The following SEMA5A variants were observed in gnomAD, a reference collection of about 807,000 sequenced individuals.
SEMA5A encodes the protein semaphorin 5A, also known as semaphorin-5A.
Under a neutral mutation model 135.5 loss-of-function variants are expected in SEMA5A, and 55 were observed. The ratio of observed to expected loss-of-function variants is 0.41; its 90% confidence interval spans 0.33 to 0.51. The LOEUF (loss-of-function observed/expected upper bound fraction) is 0.51. SEMA5A is among the 20% of genes least tolerant of loss of function. The pLI is 0.37. For missense variants in SEMA5A, 1,290 were observed against 1,419.9 expected (o/e 0.91, Z 1.47); for synonymous variants, 580 against 546.5 (o/e 1.06, Z -0.85).
intron 5 of SEMA5A, among the ~76,000 whole-genome samples, chr5:9,240,020 T>G (rs943158518): frequency 4.6e-5 from 7 of 152,040 alleles, no homozygotes; most frequent in Admixed American, 3.3e-4. Flanking sequence ...CTTTGCATTT[T>G]CAAGATAAAT....
At position 9,353,241 on chromosome 5, in the gene SEMA5A, A is replaced by AAAGG. The variant is rs1561177451; in HGVS notation, c.125-15433_125-15430dup. Reference sequence around the variant, plus strand: ...GAAAGGAAAGGAAAGGAAAGGAAGGAAAGGGAAGGGAAGGGAAGGGAAGCA... The same window carrying AAAGG: ...GAAAGGAAAGGAAAGGAAAGGAAGGAAAGGAAGGGAAGGGAAGGGAAGGGAAGCA... On this transcript the variant is annotated intron_variant, in intron 3 of 22. Transcript: ENST00000382496. Among the ~76,000 whole-genome samples the AAAGG allele has an allele frequency of 1.6e-3, 153 of 95,182 alleles. 1 individual carries two copies. Among genetic ancestry groups the AAAGG allele is most frequent in the Non-Finnish European group, 2.0e-3 (95 of 47,050 alleles). The allele number at this position is 95,182 out of a possible 152,430, so 62.4% of individuals were successfully genotyped here. A position where few individuals can be genotyped will look rare whatever the true frequency, so the allele number is the denominator to read the frequency against.
chr5:9,387,219 G>C (rs1755933768), intron 2 of SEMA5A, among the ~76,000 whole-genome samples: 1 of 152,190 alleles, frequency 6.6e-6, no homozygotes, highest in Non-Finnish European at 1.5e-5. Flanking sequence ...CAGACCAGGA[G>C]CATAGCCTTG....
At chr5:9,500,238 A>T (rs1336666087) in intron 1 of SEMA5A, among the ~76,000 whole-genome samples, 1 of 152,228 alleles carries the variant, frequency 6.6e-6, no homozygotes, top group African/African-American at 2.4e-5. Flanking sequence ...ATTATAATGC[A>T]TTATTAAATG....
Position 9,190,379 on chromosome 5 carries a change from C to T in SEMA5A, c.1161G>A (p.Gln387=). 1 of 1,614,014 alleles carries T rather than the reference C, an allele frequency of 6.2e-7. No individual in the cohort carries two copies. The highest frequency in any genetic ancestry group is 8.5e-7 in the Non-Finnish European group (1 of 1,180,006). The change falls in exon 11 of 23, where the codon CAG becomes CAA. Residue 387 remains glutamine, a synonymous_variant. Transcript: ENST00000382496. ...QKFILMHEVV[Q]PVTTVPSFME... ...TGAAGGAGGGCACTGTGGTCACTGGCTGTACCACCTCATGCATCAGAATGA... is the reference window on the plus strand; with the variant it reads ...TGAAGGAGGGCACTGTGGTCACTGGTTGTACCACCTCATGCATCAGAATGA...
intron 1 of SEMA5A, among the ~76,000 whole-genome samples, chr5:9,466,894 TC>T (rs1375100858): frequency 6.6e-6 from 1 of 152,204 alleles, no homozygotes; most frequent in Admixed American, 6.5e-5. Flanking sequence ...CTCAGATTTA[TC>T]ACAAGAGTGG....
intron 3 of SEMA5A, among the ~76,000 whole-genome samples, chr5:9,362,831 TCAACTA>T (rs1282348546): frequency 6.6e-6 from 1 of 152,174 alleles, no homozygotes; most frequent in East Asian, 1.9e-4. Flanking sequence ...TCTTTAGTCT[TCAACTA>T]CAAGTTTCAT....
At chr5:9,541,979 G>C (rs1480948400) in intron 1 of SEMA5A, among the ~76,000 whole-genome samples, 1 of 152,008 alleles carries the variant, frequency 6.6e-6, no homozygotes. Context: ...GTTCTATTTT[G>C]CTTCAATTTT....
At chr5:9,111,350 C>T (rs1475093214) in intron 15 of SEMA5A, among the ~76,000 whole-genome samples, 1 of 152,044 alleles carries the variant, frequency 6.6e-6, no homozygotes, top group Non-Finnish European at 1.5e-5. Context: ...TTATAAAACC[C>T]CTGACTTTTA....
chr5:9,544,971 G>A (rs1448276280), intron 1 of SEMA5A, among the ~76,000 whole-genome samples: 2 of 152,240 alleles, frequency 1.3e-5, no homozygotes, highest in African/African-American at 4.8e-5. Flanking sequence ...GATGCCTGGT[G>A]AAAGGGGCTC....
chr5:9,038,485 G>C lies in SEMA5A; in HGVS notation c.*4412C>G, dbSNP rs543659965. ...CTGATGGTTCAGGGACAAAGTTGAA[G>C]AAGTATCTTGACAGTATTGGGGAAA... On this transcript the variant is annotated 3_prime_UTR_variant, in exon 23 of 23. Coordinates refer to ENST00000382496, the MANE Select transcript of SEMA5A (RefSeq NM_003966.3). 6.6e-6 allele frequency: 1 copy of C among 152,166 alleles called. No homozygotes were observed. The highest frequency in any genetic ancestry group is 2.4e-5 in the African/African-American group (1 of 41,438). The allele number at this position is 152,166 out of a possible 1,614,324, so 9.4% of individuals were successfully genotyped here.
intron 16 of SEMA5A, among the ~76,000 whole-genome samples, chr5:9,102,273 A>G (rs1484081313): frequency 6.6e-6 from 1 of 152,248 alleles, no homozygotes. Context: ...ATAAAAGTAC[A>G]CACCATTGCA....
intron 3 of SEMA5A, among the ~76,000 whole-genome samples, chr5:9,373,744 C>G (rs574607421): frequency 4.6e-5 from 7 of 152,162 alleles, no homozygotes; most frequent in Non-Finnish European, 1.0e-4. Context: ...AGAAAGGCCT[C>G]CAAATCAGTC....
intron 21 of SEMA5A, among the ~76,000 whole-genome samples, chr5:9,048,107 C>T (rs1435845071): frequency 6.6e-6 from 1 of 151,184 alleles, no homozygotes; most frequent in African/African-American, 2.4e-5. Flanking sequence ...CCACTCTTGA[C>T]CTACACTGTC....
At chr5:9,254,649 T>G (rs541157725) in intron 5 of SEMA5A, among the ~76,000 whole-genome samples, 1 of 152,182 alleles carries the variant, frequency 6.6e-6, no homozygotes, top group South Asian at 2.1e-4. Context: ...TTTAAGAGTT[T>G]TAAGCAGTAA....
intron 12 of SEMA5A, among the ~76,000 whole-genome samples, chr5:9,150,612 C>T (rs1579486512): frequency 6.6e-6 from 1 of 152,058 alleles, no homozygotes; most frequent in Admixed American, 6.6e-5. Flanking sequence ...TCAGTCACAA[C>T]ACACGTGTGG....
intron 16 of SEMA5A, among the ~76,000 whole-genome samples, chr5:9,078,120 ACTCT>A (rs1738169526): frequency 1.3e-5 from 2 of 152,042 alleles, no homozygotes; most frequent in Non-Finnish European, 2.9e-5. Context: ...TTAAATTCTC[ACTCT>A]CTGAGAGCAA....
chr5:9,225,389 T>TAAAAAAAAAA (rs34806769), intron 7 of SEMA5A, among the ~76,000 whole-genome samples: 5 of 43,084 alleles, frequency 1.2e-4, no homozygotes, highest in African/African-American at 5.2e-4. Flanking sequence ...CCATCTCTAC[T>TAAAAAAAAAA]AAAAAAAAAA....
At chr5:9,299,336 T>G (rs1751495116) in intron 5 of SEMA5A, among the ~76,000 whole-genome samples, 1 of 152,128 alleles carries the variant, frequency 6.6e-6, no homozygotes, top group Admixed American at 6.6e-5. Context: ...ATGGAGAGTA[T>G]AGACAGAAGA....
intron 16 of SEMA5A, among the ~76,000 whole-genome samples, chr5:9,106,386 A>G (rs888343986): frequency 2.6e-5 from 4 of 152,242 alleles, no homozygotes; most frequent in African/African-American, 9.6e-5. Context: ...TAGGAACTAC[A>G]TAAAAATGCT....
Sources: gnomAD v4.1 joint callset for allele counts (sites outside exome capture counted in the v4.1 genomes callset) on GRCh38, gnomAD v4.1.1 for gene constraint, MANE v1.5 for transcripts, NCBI Gene and HGNC (gene_info 2026-07-23, HGNC 2026-07-21) for gene names.